Variants in ITPR2 observed in about 807,000 individuals in gnomAD.
The protein encoded by ITPR2 is inositol 1,4,5-trisphosphate receptor type 2.
ITPR2 carries 207 observed loss-of-function variants against 317.1 expected under a neutral mutation model. The observed-to-expected ratio is 0.65, with a 90% confidence interval of 0.58 to 0.73. The LOEUF (loss-of-function observed/expected upper bound fraction) is 0.73, where lower values mean the gene tolerates loss of function less well. ITPR2 is among the 30% of genes least tolerant of loss of function. ITPR2 has a pLI of 0.00. For synonymous variants in ITPR2, 1,156 were observed against 1,149.1 expected (o/e 1.01, Z -0.12); for missense variants, 2,613 against 3,284.0 (o/e 0.80, Z 4.99).
chr12:26,539,117 C>G (rs1291026644), intron 37 of ITPR2, among the ~76,000 whole-genome samples: 1 of 152,168 alleles, frequency 6.6e-6, no homozygotes, highest in African/African-American at 2.4e-5. Flanking sequence ...CTGTGAGGAC[C>G]TGTTCAAACA....
At chr12:26,764,513 TCAA>T (rs544750873) in intron 2 of ITPR2, among the ~76,000 whole-genome samples, 205 of 152,074 alleles carry the variant, frequency 1.3e-3, no homozygotes, top group African/African-American at 3.1e-3. Context: ...ACTTTAACGC[TCAA>T]CAACAAGAAA....
chr12:26,756,915 T>C (rs550240963), intron 2 of ITPR2, among the ~76,000 whole-genome samples: 3 of 152,040 alleles, frequency 2.0e-5, no homozygotes, highest in African/African-American at 7.2e-5. Flanking sequence ...AGATAGGAGG[T>C]CAGCAGAAGA....
chr12:26,772,509 T>C (rs1418266669), intron 2 of ITPR2, among the ~76,000 whole-genome samples: 40 of 124,100 alleles, frequency 3.2e-4, no homozygotes, highest in African/African-American at 1.1e-3. Flanking sequence ...ACATGTATTA[T>C]ATATAATACA....
chr12:26,403,905 G>C (rs1040329965), intron 52 of ITPR2, among the ~76,000 whole-genome samples: 1 of 152,166 alleles, frequency 6.6e-6, no homozygotes, highest in Non-Finnish European at 1.5e-5. Flanking sequence ...GACGAAGCTG[G>C]AGCGATAAAC....
In ITPR2 at chr12:26,438,269, C is replaced by T. The variant is rs182914683; in HGVS notation, c.6643+858G>A. ...TGTTTTAAAAGCCTGAAAATGCATA[C>T]CACACCCCTATATCTAAAGATGATA... is the stretch of plus-strand genomic sequence containing the variant. On this transcript the variant is annotated intron_variant, in intron 47 of 56. Transcript: ENST00000381340. Among the ~76,000 whole-genome samples the T allele has an allele frequency of 2.6e-5, 4 of 152,158 alleles. No individual in the cohort carries two copies. In the East Asian group the frequency reaches 7.7e-4, roughly 29 times the overall value.
At chr12:26,701,422 C>T (rs1035749245) in intron 9 of ITPR2, among the ~76,000 whole-genome samples, 1 of 152,068 alleles carries the variant, frequency 6.6e-6, no homozygotes, top group Non-Finnish European at 1.5e-5. Context: ...CTCTTTCCAA[C>T]GACTGGCATT....
intron 13 of ITPR2, among the ~76,000 whole-genome samples, chr12:26,678,722 C>T (rs972975071): frequency 6.6e-6 from 1 of 152,118 alleles, no homozygotes; most frequent in Non-Finnish European, 1.5e-5. Context: ...ATTAATACAA[C>T]GTTTTTCACT....
chr12:26,711,239 A>C lies in ITPR2; in HGVS notation c.885T>G (p.Gly295=), dbSNP rs1565710431. 1 of 1,613,826 alleles carries C rather than the reference A, an allele frequency of 6.2e-7. No individual in the cohort carries two copies. The highest frequency in any genetic ancestry group is 1.7e-5 in the Admixed American group (1 of 59,990). The part of the protein sequence containing the change: ...EVVHHDPCRG[G]AGQWNSLFRF... ...TGAACAAGCTGTTCCACTGTCCTGC[A>C]CCCCCACGGCATGGGTCATGATGAA... The change falls in exon 9 of 57, where the codon GGT becomes GGG. Residue 295 remains glycine, a synonymous_variant. Transcript: ENST00000381340.
intron 54 of ITPR2, among the ~76,000 whole-genome samples, chr12:26,398,057 GGTGTGTGTGTGT>G (rs35660888): frequency 3.3e-4 from 44 of 135,080 alleles, no homozygotes; most frequent in Admixed American, 1.0e-3. Context: ...GGAGGGGAGT[GGTGTGTGTGTGT>G]GTGTGTGTGT....
rs554241088 is a variant in ITPR2 at position 26,620,216 on chromosome 12, C to T, written c.3462+907G>A. On this transcript the variant is annotated intron_variant, in intron 26 of 56. Coordinates refer to ENST00000381340, the MANE Select transcript of ITPR2 (RefSeq NM_002223.4). ...AATAAAGGGCATCTACTTGTGGCTG[C>T]GAGGGCCGCAAAGGAAATCCCAGTA... Among the ~76,000 whole-genome samples, 10 of 152,324 alleles carry T rather than the reference C, an allele frequency of 6.6e-5. No individual in the cohort carries two copies. The South Asian group carries it at 1.9e-3, about 28-fold the overall frequency.
chr12:26,674,436 G>A (rs1947860397), intron 13 of ITPR2, among the ~76,000 whole-genome samples: 2 of 152,116 alleles, frequency 1.3e-5, no homozygotes, highest in Non-Finnish European at 2.9e-5. Flanking sequence ...AGAGAAACAA[G>A]CAATGGGAAA....
intron 45 of ITPR2, among the ~76,000 whole-genome samples, chr12:26,460,583 T>C (rs1420078367): frequency 6.6e-6 from 1 of 151,956 alleles, no homozygotes; most frequent in African/African-American, 2.4e-5. Flanking sequence ...ATCAGACAAA[T>C]AGGGAAGGAA....
intron 21 of ITPR2, among the ~76,000 whole-genome samples, chr12:26,634,327 G>C (rs1418721502): frequency 1.3e-5 from 2 of 152,124 alleles, no homozygotes; most frequent in Non-Finnish European, 2.9e-5. Context: ...ATTCTAAACT[G>C]TTGAGATAAA....
chr12:26,465,843 C>A (rs1942158955), intron 45 of ITPR2, among the ~76,000 whole-genome samples: 1 of 152,092 alleles, frequency 6.6e-6, no homozygotes, highest in Non-Finnish European at 1.5e-5. Flanking sequence ...AAAGCACATG[C>A]CCCAAAAGGA....
chr12:26,543,761 T>C (rs1459385728), intron 37 of ITPR2, among the ~76,000 whole-genome samples: 1 of 152,112 alleles, frequency 6.6e-6, no homozygotes, highest in African/African-American at 2.4e-5. Flanking sequence ...AGAGCAAGAC[T>C]CTGTCTCAAA....
intron 2 of ITPR2, among the ~76,000 whole-genome samples, chr12:26,740,439 T>TA (rs2137080877): frequency 6.6e-6 from 1 of 152,176 alleles, no homozygotes; most frequent in East Asian, 1.9e-4. Context: ...TAAAGGGAAA[T>TA]ACGCTATAAA....
At chr12:26,789,961 C>A (rs973946211) in intron 2 of ITPR2, among the ~76,000 whole-genome samples, 196 bp downstream of exon 2, 2 of 152,082 alleles carry the variant, frequency 1.3e-5, no homozygotes, top group Admixed American at 1.3e-4. Context: ...AAACAAAAAT[C>A]AAAACTATTC....
At chr12:26,792,294 A>G (rs1162969300) in intron 1 of ITPR2, among the ~76,000 whole-genome samples, 23 of 151,984 alleles carry the variant, frequency 1.5e-4, no homozygotes, top group Admixed American at 1.5e-3. Context: ...AATGGAAGGA[A>G]GGAAACGACA....
chr12:26,497,298 T>C (rs894909605), intron 37 of ITPR2, among the ~76,000 whole-genome samples: 1 of 151,196 alleles, frequency 6.6e-6, no homozygotes, highest in Non-Finnish European at 1.5e-5. Flanking sequence ...GGACAACAGG[T>C]GCCCGCCACC....
Sources: allele counts gnomAD v4.1 joint callset (sites outside exome capture counted in the v4.1 genomes callset), GRCh38; gene constraint gnomAD v4.1.1; transcripts MANE v1.5; gene names NCBI Gene and HGNC (gene_info 2026-07-23, HGNC 2026-07-21).